Variants in BCAT1 observed in about 807,000 individuals in gnomAD.
The protein encoded by BCAT1 is branched chain amino acid transaminase 1, also known as branched-chain-amino-acid aminotransferase, cytosolic.
Under a neutral mutation model 52.4 loss-of-function variants are expected in BCAT1, and 48 were observed. The observed-to-expected ratio is 0.92, with a 90% CI of 0.73 to 1.16. The LOEUF (loss-of-function observed/expected upper bound fraction) is 1.16, where lower values mean the gene tolerates loss of function less well. Ranked by LOEUF, BCAT1 falls within the 50% of genes most tolerant of loss-of-function variation. The pLI is 0.00. For synonymous variants in BCAT1, 167 were observed against 161.3 expected (o/e 1.04, Z -0.27); for missense variants, 451 against 457.1 (o/e 0.99, Z 0.12).
rs1358920382 is a variant in BCAT1 at position 24,811,585 on chromosome 12, T to C, written c.*6423A>G. 1 of 152,184 alleles carries C rather than the reference T, an allele frequency of 6.6e-6. No homozygotes were observed. Among genetic ancestry groups the C allele is most frequent in the East Asian group, 1.9e-4 (1 of 5,204 alleles). 9.4% of individuals were successfully genotyped at this position (152,184 alleles called of 1,614,324 possible). A position where few individuals can be genotyped will look rare whatever the true frequency, so the allele number is the denominator to read the frequency against. ...ACAAAACCTTCAGAGCATGAGGTAG[T>C]TTCCTTTACCTACGATATTTTCCAC... On this transcript the variant is annotated 3_prime_UTR_variant, in exon 11 of 11. Coordinates refer to ENST00000261192, the MANE Select transcript of BCAT1 (RefSeq NM_005504.7).
At chr12:24,900,676 C>A (rs1023146957) in intron 2 of BCAT1, among the ~76,000 whole-genome samples, 4 of 152,142 alleles carry the variant, frequency 2.6e-5, no homozygotes, top group Non-Finnish European at 5.9e-5. Flanking sequence ...CTTGGTGGCT[C>A]ACGCCTGCAA....
At chr12:24,944,465 C>T (rs1943904881) in intron 1 of BCAT1, among the ~76,000 whole-genome samples, 1 of 152,174 alleles carries the variant, frequency 6.6e-6, no homozygotes, top group Non-Finnish European at 1.5e-5. Flanking sequence ...TTGTCAGTCA[C>T]GTTAAGAGAC....
At chr12:24,894,688 T>C (rs1328885249) in intron 2 of BCAT1, among the ~76,000 whole-genome samples, 1 of 152,188 alleles carries the variant, frequency 6.6e-6, no homozygotes, top group Admixed American at 6.5e-5. Context: ...CCTAATAGAA[T>C]ATCAGAACCA....
intron 1 of BCAT1, chr12:24,902,767 G>A (rs1020258278): frequency 2.6e-5 from 23 of 890,694 alleles, no homozygotes; most frequent in Non-Finnish European, 3.4e-5. Context: ...TGCAGGCTGG[G>A]ACTCCAGATT....
At chr12:24,888,356 G>A (rs1184741047) in intron 3 of BCAT1, among the ~76,000 whole-genome samples, 4 of 152,070 alleles carry the variant, frequency 2.6e-5, no homozygotes, top group Admixed American at 6.6e-5. Context: ...AAAATTAGCC[G>A]GGCATGGTGG....
At chr12:24,843,870 A>C (rs1941252579) in intron 6 of BCAT1, among the ~76,000 whole-genome samples, 1 of 152,156 alleles carries the variant, frequency 6.6e-6, no homozygotes, top group Non-Finnish European at 1.5e-5. Context: ...TAATGTCTAT[A>C]ACCTGAAATA....
At position 24,817,422 on chromosome 12, in the gene BCAT1, C is replaced by T. The variant is rs1199693343; in HGVS notation, c.*586G>A. ...ACAATGGTGGGAAATGCACTCAGGT[C>T]TTCCTAATGCACAGAGTATGCTCAG... On this transcript the variant is annotated 3_prime_UTR_variant, in exon 11 of 11. Coordinates refer to ENST00000261192, the MANE Select transcript of BCAT1 (RefSeq NM_005504.7). 1 of 153,236 alleles carries T rather than the reference C, an allele frequency of 6.5e-6. No individual in the cohort carries two copies. Among genetic ancestry groups the T allele is most frequent in the Non-Finnish European group, 1.5e-5 (1 of 68,694 alleles). The allele number at this position is 153,236 out of a possible 1,614,324, so 9.5% of individuals were successfully genotyped here.
chr12:24,846,773 T>C (rs1941356734), intron 6 of BCAT1, among the ~76,000 whole-genome samples: 1 of 152,172 alleles, frequency 6.6e-6, no homozygotes, highest in African/African-American at 2.4e-5. Context: ...CAAAGAGAAA[T>C]ACTCCAAAAT....
In BCAT1 at chr12:24,883,947, G is replaced by A. The variant is rs561333033; in HGVS notation, c.280-2536C>T. 7.2e-5 allele frequency among the ~76,000 whole-genome samples: 11 copies of A among 152,266 alleles called. No individual in the cohort carries two copies. In the East Asian group the frequency reaches 1.2e-3, roughly 16 times the overall value. On this transcript the variant is annotated intron_variant, in intron 3 of 10. Coordinates refer to ENST00000261192, the MANE Select transcript of BCAT1 (RefSeq NM_005504.7). ...CGCAGCTGCTCACCTCCTACAGTGC[G>A]ATCCAGTACCTAACAGGCCACACAT... is the stretch of plus-strand genomic sequence containing the variant.
chr12:24,848,949 G>A (rs549088750), intron 6 of BCAT1, among the ~76,000 whole-genome samples: 33 of 152,264 alleles, frequency 2.2e-4, no homozygotes, highest in Middle Eastern at 3.4e-3. Flanking sequence ...AAAGCCAGTG[G>A]TCATTGCCTC....
At chr12:24,856,113 G>C (rs1280154348) in intron 5 of BCAT1, among the ~76,000 whole-genome samples, 1 of 152,140 alleles carries the variant, frequency 6.6e-6, no homozygotes, top group Non-Finnish European at 1.5e-5. Context: ...TTACATGTAA[G>C]CCACTGTGGA....
intron 3 of BCAT1, among the ~76,000 whole-genome samples, chr12:24,892,371 T>C (rs781439458): frequency 9.2e-5 from 14 of 152,110 alleles, no homozygotes; most frequent in Non-Finnish European, 1.8e-4. Context: ...AAAAATGACA[T>C]TAAATCATTT....
chr12:24,924,845 C>T (rs796933728), intron 1 of BCAT1, among the ~76,000 whole-genome samples: 3 of 152,016 alleles, frequency 2.0e-5, no homozygotes, highest in African/African-American at 7.2e-5. Context: ...GGAGAATGTC[C>T]CATATGAAGT....
chr12:24,855,766 A>G (rs1254753682), intron 5 of BCAT1, among the ~76,000 whole-genome samples: 1 of 151,830 alleles, frequency 6.6e-6, no homozygotes, highest in Non-Finnish European at 1.5e-5. Flanking sequence ...TGCTGATTCC[A>G]TCTTTATTTT....
At chr12:24,863,661 G>A (rs941086671) in intron 5 of BCAT1, among the ~76,000 whole-genome samples, 3 of 152,214 alleles carry the variant, frequency 2.0e-5, no homozygotes, top group African/African-American at 4.8e-5. Context: ...TGGGCACAGT[G>A]GCCCCCACCT....
intron 8 of BCAT1, 60 bp downstream of exon 8, chr12:24,836,451 C>T: frequency 1.4e-6 from 2 of 1,403,214 alleles, no homozygotes; most frequent in Non-Finnish European, 2.0e-6. Flanking sequence ...CTAGGCTGGG[C>T]TTATTTTGAT....
intron 5 of BCAT1, 78 bp from the exon 6 acceptor site, chr12:24,850,027 C>T: frequency 5.4e-6 from 7 of 1,297,672 alleles, no homozygotes; most frequent in Non-Finnish European, 7.2e-6. Context: ...AGATTTATAT[C>T]TGTCTCCCAG....
intron 10 of BCAT1, among the ~76,000 whole-genome samples, chr12:24,818,414 T>C (rs1198251117): frequency 6.6e-6 from 1 of 152,186 alleles, no homozygotes; most frequent in Non-Finnish European, 1.5e-5. Context: ...TTAATGACTG[T>C]GACTTTTACT....
intron 1 of BCAT1, chr12:24,903,246 G>T: frequency 1.4e-6 from 1 of 694,142 alleles, no homozygotes; most frequent in Non-Finnish European, 2.0e-6. Context: ...CTGTCACCGG[G>T]GTCGCTTGCG....
Sources: gnomAD v4.1 joint callset for allele counts (sites outside exome capture counted in the v4.1 genomes callset) on GRCh38, gnomAD v4.1.1 for gene constraint, MANE v1.5 for transcripts, NCBI Gene and HGNC (gene_info 2026-07-23, HGNC 2026-07-21) for gene names.